The following MYH11 variants were observed in gnomAD, a reference collection of about 807,000 sequenced individuals.
MYH11 encodes myosin-11.
In MYH11, 80 loss-of-function variants were observed where a neutral mutation model predicts 246.6. The observed-to-expected ratio is 0.32, with a 90% CI of 0.27 to 0.39. MYH11 has a LOEUF of 0.39. Among genes scored for constraint, MYH11 ranks in the 10% least tolerant of loss-of-function variants. MYH11 has a pLI of 1.00. For missense variants in MYH11, 2,158 were observed against 2,546.8 expected, an observed-to-expected ratio of 0.85 and a Z score of 3.29; for synonymous variants, 1,071 against 1,015.5, an observed-to-expected ratio of 1.05 and a Z score of -1.04.
intron 25 of MYH11, 81 bp downstream of exon 25, chr16:15,737,368 C>T: frequency 1.3e-6 from 2 of 1,582,274 alleles, no homozygotes; most frequent in Non-Finnish European, 1.7e-6. Context: ...TTGACCAAGA[C>T]AGCCACTGCG....
chr16:15,801,948 C>A (rs973316648), intron 3 of MYH11, among the ~76,000 whole-genome samples: 2 of 151,832 alleles, frequency 1.3e-5, no homozygotes, highest in Non-Finnish European at 2.9e-5. Flanking sequence ...CAGAGCGAGA[C>A]TCCAAAAACA....
At chr16:15,706,711 A>G (rs1408740613) in intron 40 of MYH11, among the ~76,000 whole-genome samples, 5 of 152,126 alleles carry the variant, frequency 3.3e-5, no homozygotes, top group Non-Finnish European at 7.4e-5. Context: ...TCCAAAAAAA[A>G]AAACAAAAAA....
intron 3 of MYH11, among the ~76,000 whole-genome samples, chr16:15,800,857 A>G (rs2042868647): frequency 6.6e-6 from 1 of 152,084 alleles, no homozygotes; most frequent in Admixed American, 6.5e-5. Context: ...CAAAAGGCCT[A>G]AAGACTAGTC....
intron 11 of MYH11, among the ~76,000 whole-genome samples, chr16:15,759,994 G>A (rs1007526520): frequency 2.0e-5 from 3 of 152,134 alleles, no homozygotes; most frequent in Middle Eastern, 3.2e-3. Context: ...CTGCTTGGGG[G>A]ACTGAGGCAG....
chr16:15,823,759 A>G (rs2043480967), intron 2 of MYH11, among the ~76,000 whole-genome samples: 3 of 152,028 alleles, frequency 2.0e-5, no homozygotes, highest in African/African-American at 7.2e-5. Context: ...CTGAGTAGCC[A>G]GGACTACAGG....
At chr16:15,817,522 G>C (rs1339461489) in intron 3 of MYH11, among the ~76,000 whole-genome samples, 3 of 151,400 alleles carry the variant, frequency 2.0e-5, no homozygotes, top group African/African-American at 7.4e-5. Flanking sequence ...AAAAAAAAGG[G>C]GGGGAGAATT....
At chr16:15,838,500 C>A (rs1331228742) in intron 1 of MYH11, among the ~76,000 whole-genome samples, 1 of 152,126 alleles carries the variant, frequency 6.6e-6, no homozygotes, top group South Asian at 2.1e-4. Flanking sequence ...AAATGTCCAC[C>A]AACATACAGC....
intron 3 of MYH11, among the ~76,000 whole-genome samples, chr16:15,813,307 C>G (rs2043183324): frequency 6.6e-6 from 1 of 151,924 alleles, no homozygotes; most frequent in Non-Finnish European, 1.5e-5. Flanking sequence ...TACAATCGCA[C>G]CATTACACTC....
chr16:15,811,796 C>A (rs1469317725), intron 3 of MYH11, among the ~76,000 whole-genome samples: 1 of 152,158 alleles, frequency 6.6e-6, no homozygotes, highest in East Asian at 1.9e-4. Context: ...GAGCCCCAAG[C>A]TGATAAAGGC....
At chr16:15,786,063 C>A in intron 5 of MYH11, 1 of 257,148 alleles carries the variant, frequency 3.9e-6, no homozygotes, top group Non-Finnish European at 7.6e-6. Context: ...ATCCCAGGGA[C>A]AGGGGGACAC....
rs1221013662 is a variant in MYH11, at chr16:15,741,439, C to T, written c.2859+24G>A. On this transcript the variant is annotated intron_variant, in intron 22 of 40. Transcript: ENST00000300036. ...GGGTCAAGTGATTTGCTACCCACCA[C>T]GGGCTGCCCCTGTGACACCTTACCA... 8.5e-5 allele frequency: 136 copies of T among 1,604,666 alleles called. 1 individual carries two copies. The highest frequency in any genetic ancestry group is 7.4e-4 in the South Asian group (67 of 91,058).
Position 15,750,190 on chromosome 16 carries a change from C to T in MYH11, c.2006G>A (p.Arg669His), listed in dbSNP as rs760656490. 4.3e-6 allele frequency: 7 copies of T among 1,614,214 alleles called. No homozygotes were observed. The highest frequency in any genetic ancestry group is 2.2e-5 in the South Asian group (2 of 91,082). ...GCGCACGAAGTTGGGCGTGGTGTTG[C>T]GTAGCGTGGTCATCAGCTTGCCCAG... is the stretch of plus-strand genomic sequence containing the variant. ...EQLGKLMTTL[R>H]NTTPNFVRCI... is the part of the protein sequence containing the mutation. The change falls in exon 16 of 41, where the codon CGC (arginine) becomes CAC (histidine). Residue 669 changes from arginine (R) to histidine (H), a missense_variant. Coordinates refer to ENST00000300036, the MANE Select transcript of MYH11 (RefSeq NM_002474.3). The surrounding 1 kb of genome is among the most constrained non-coding windows in gnomAD (Gnocchi z 4.3).
intron 3 of MYH11, among the ~76,000 whole-genome samples, chr16:15,804,858 G>C (rs766636888): frequency 6.6e-6 from 1 of 152,212 alleles, no homozygotes; most frequent in African/African-American, 2.4e-5. Context: ...TTGTGGCTGA[G>C]TCATATCACA....
chr16:15,786,523 G>C (rs2042472680), intron 5 of MYH11, 107 bp downstream of exon 5: 2 of 1,093,572 alleles, frequency 1.8e-6, no homozygotes, highest in Non-Finnish European at 2.8e-6. Context: ...GGGGTAGTCA[G>C]ATGGGGCCTG....
intron 3 of MYH11, among the ~76,000 whole-genome samples, chr16:15,821,596 T>C (rs1362432875): frequency 6.6e-6 from 1 of 152,010 alleles, no homozygotes; most frequent in Non-Finnish European, 1.5e-5. Context: ...TAGATTAAAA[T>C]GTGCTTAGTG....
At chr16:15,724,480 T>A in intron 30 of MYH11, 71 bp from the exon 31 acceptor site, 1 of 1,609,496 alleles carries the variant, frequency 6.2e-7, no homozygotes, top group Non-Finnish European at 8.5e-7. Flanking sequence ...CCCCACAGAC[T>A]CTGAGAAGCG....
chr16:15,855,705 T>C (rs3851702), intron 1 of MYH11, among the ~76,000 whole-genome samples: 29,219 of 152,246 alleles, frequency 0.19, 3,437 homozygotes, highest in East Asian at 0.43. Context: ...AACAAAATTC[T>C]CTATCTTATT....
Position 15,741,620 on chromosome 16 carries a change from T to C in MYH11, c.2702A>G (p.Glu901Gly), listed in dbSNP as rs1481169784. 6.2e-7 allele frequency: 1 copy of C among 1,613,274 alleles called. No homozygotes were observed. Among genetic ancestry groups the C allele is most frequent in the South Asian group, 1.1e-5 (1 of 91,086 alleles). The change falls in exon 22 of 41, where the codon GAG becomes GGG. Residue 901 changes from glutamate (E) to glycine (G), a missense_variant. Physicochemically the swap from Glu to Gly is moderately conservative, Grantham distance 98. Transcript: ENST00000300036. ...CATCTCCTCAGCCTCTGCATACAGC[T>C]CTGTCTCTGCCTGCAGCTGTTCCTG... ...LLQEQLQAET[E>G]LYAEAEEMRV...
chr16:15,804,166 T>TTC (rs58442204), intron 3 of MYH11, among the ~76,000 whole-genome samples: 6 of 151,344 alleles, frequency 4.0e-5, no homozygotes, highest in South Asian at 2.1e-4. Context: ...GCCTAATCCA[T>TTC]TCTCTCTCTC....
Sources: gnomAD v4.1 joint callset for allele counts (sites outside exome capture counted in the v4.1 genomes callset) on GRCh38, gnomAD v4.1.1 for gene constraint, Gnocchi (gnomAD v3.1) non-coding constraint, MANE v1.5 for transcripts, NCBI Gene and HGNC (gene_info 2026-07-23, HGNC 2026-07-21) for gene names.